Variants in VCL observed in about 807,000 individuals in gnomAD.
The protein encoded by VCL is vinculin, also known as epididymis luminal protein 114.
In VCL, 47 loss-of-function variants were observed where a neutral mutation model predicts 125.7. The ratio of observed to expected loss-of-function variants is 0.37; its 90% CI spans 0.30 to 0.48. VCL has a LOEUF of 0.48. Ranked by LOEUF, VCL falls within the 20% of genes least tolerant of loss-of-function variation. The probability of loss-of-function intolerance (pLI) is 0.99; values close to 1 mark genes in which losing one functional copy is unlikely to be tolerated. For synonymous variants in VCL, 458 were observed against 514.6 expected, an observed-to-expected ratio of 0.89 and a Z score of 1.49; for missense variants, 1,069 against 1,455.5, an observed-to-expected ratio of 0.73 and a Z score of 4.32.
chr10:74,018,177 G>GAGATATATATATATATATAT (rs113828874), intron 1 of VCL, among the ~76,000 whole-genome samples: 17 of 81,876 alleles, frequency 2.1e-4, no homozygotes, highest in African/African-American at 7.0e-4. Context: ...ATATATATAG[G>GAGATATATATATATATATAT]ATATATATAT....
intron 1 of VCL, among the ~76,000 whole-genome samples, chr10:74,010,125 A>G (rs1256358282): frequency 6.6e-6 from 1 of 151,284 alleles, no homozygotes; most frequent in Non-Finnish European, 1.5e-5. Flanking sequence ...GAGTTTTACC[A>G]TGTTGGCCAA....
intron 21 of VCL, 62 bp from the exon 22 acceptor site, chr10:74,117,961 T>A: frequency 6.2e-7 from 1 of 1,611,444 alleles, no homozygotes. Context: ...GGCTGAAACC[T>A]ATTTTAGAGA....
At chr10:74,018,840 AC>A (rs1840608557) in intron 1 of VCL, among the ~76,000 whole-genome samples, 1 of 152,112 alleles carries the variant, frequency 6.6e-6, no homozygotes, top group South Asian at 2.1e-4. Context: ...CACTTAAGAA[AC>A]CCAATGTCTT....
intron 2 of VCL, 34 bp downstream of exon 2, chr10:74,043,187 A>G (rs1841127869): frequency 2.6e-6 from 4 of 1,565,862 alleles, no homozygotes; most frequent in African/African-American, 1.4e-5. Flanking sequence ...GTTGCTAAGC[A>G]GAATAATACT....
rs1403793938 is a variant in VCL at position 74,097,205 on chromosome 10, A to C, written c.1745A>C (p.Asp582Ala). The C allele has an allele frequency of 6.2e-7, 1 of 1,613,696 alleles. No homozygotes were observed. The highest frequency in any genetic ancestry group is 1.3e-5 in the African/African-American group (1 of 74,930). Residue 582 changes from aspartate (D) to alanine (A), a missense_variant and splice_region_variant, in exon 13 of 22, where the codon GAT (aspartate) becomes GCT (alanine). Physicochemically the swap from Asp to Ala is moderately radical, Grantham distance 126. This residue lies in a region of VCL where 760 missense variants were observed against 928.9 expected (regional missense o/e 0.82). Coordinates refer to ENST00000211998, the MANE Select transcript of VCL (RefSeq NM_014000.3). This position sits in a 1 kb window ranked among gnomAD's most constrained non-coding sequence, Gnocchi z 4.1. ...TCATATGTAAACAATGTTTTTAAGG[A>C]TCTAAAAGCTCGGATGCAGGAGGCC... ...LASQLQDSLK[D>A]LKARMQEAMT...
At chr10:74,009,096 A>G (rs1166285091) in intron 1 of VCL, among the ~76,000 whole-genome samples, 2 of 150,738 alleles carry the variant, frequency 1.3e-5, no homozygotes, top group African/African-American at 4.9e-5. Flanking sequence ...GAAAGCTTTC[A>G]TGTGTCTTTC....
At chr10:74,025,111 G>T (rs1283441298) in intron 1 of VCL, among the ~76,000 whole-genome samples, 1 of 152,076 alleles carries the variant, frequency 6.6e-6, no homozygotes, top group African/African-American at 2.4e-5. Flanking sequence ...CTGCCTCCTG[G>T]GTTCAAGCGA....
chr10:74,056,855 G>C (rs1420885562), intron 2 of VCL, among the ~76,000 whole-genome samples: 1 of 152,054 alleles, frequency 6.6e-6, no homozygotes, highest in East Asian at 1.9e-4. Flanking sequence ...TGTGCCAAAT[G>C]CTTCATATTA....
chr10:74,101,091 A>C lies in VCL; in HGVS notation c.2016A>C (p.Thr672=). ...QASVKTAREL[T]PQVVSAARIL... is the part of the protein sequence containing the mutation. ...CAGTGAAGACGGCCCGAGAACTCAC[A>C]CCCCAGGTTGGGTTTTGCTCATTCC... Residue 672 remains threonine, a synonymous_variant, in exon 14 of 22, where the codon ACA becomes ACC. Transcript: ENST00000211998. 1 of 1,613,168 alleles carries C rather than the reference A, an allele frequency of 6.2e-7. No individual in the cohort carries two copies. Among genetic ancestry groups the C allele is most frequent in the Non-Finnish European group, 8.5e-7 (1 of 1,179,464 alleles).
At chr10:74,107,904 G>T (rs1414347571) in intron 17 of VCL, among the ~76,000 whole-genome samples, 4 of 152,142 alleles carry the variant, frequency 2.6e-5, no homozygotes, top group Non-Finnish European at 5.9e-5. Flanking sequence ...GGTGTAGGAA[G>T]AAGCTAGCTA....
At chr10:74,100,439 T>G (rs1206349429) in intron 13 of VCL, among the ~76,000 whole-genome samples, 1 of 152,198 alleles carries the variant, frequency 6.6e-6, no homozygotes, top group Non-Finnish European at 1.5e-5. Context: ...TGGCAGAGTT[T>G]TTACAACATT....
intron 8 of VCL, 26 bp downstream of exon 8, chr10:74,083,539 G>T: frequency 6.2e-7 from 1 of 1,612,484 alleles, no homozygotes. Flanking sequence ...TCCTTACAGA[G>T]CAGTAGTGGG....
Position 74,105,290 on chromosome 10 carries a change from A to C in VCL, c.2371A>C (p.Ser791Arg), listed in dbSNP as rs552164143. ...TGTGAAAGCTGCCTCTGATGAATTG[A>C]GCAAAACCATCTCCCCGATGGTGAT... is the stretch of plus-strand genomic sequence containing the variant. ...EAVKAASDEL[S>R]KTISPMVMDA... The change falls in exon 16 of 22, where the codon AGC (serine) becomes CGC (arginine). Residue 791 changes from serine to arginine, a missense_variant. Transcript: ENST00000211998. 1 of 1,613,608 alleles carries C rather than the reference A, an allele frequency of 6.2e-7. No individual in the cohort carries two copies. The highest frequency in any genetic ancestry group is 1.3e-5 in the African/African-American group (1 of 75,008).
At chr10:74,102,056 A>T (rs1475825924) in intron 14 of VCL, among the ~76,000 whole-genome samples, 1 of 151,564 alleles carries the variant, frequency 6.6e-6, no homozygotes, top group Non-Finnish European at 1.5e-5. Context: ...TAGTAGAGAC[A>T]GGGTTTCTCC....
intron 1 of VCL, among the ~76,000 whole-genome samples, chr10:74,009,328 G>A (rs1432614248): frequency 1.0e-4 from 15 of 150,428 alleles, no homozygotes; most frequent in Non-Finnish European, 1.0e-4. Context: ...GCGCCATCTC[G>A]GCTCACTGCA....
At chr10:74,020,518 C>T (rs1374669470) in intron 1 of VCL, among the ~76,000 whole-genome samples, 1 of 151,974 alleles carries the variant, frequency 6.6e-6, no homozygotes, top group African/African-American at 2.4e-5. Context: ...GTATTCCAAG[C>T]TGGGAGGGAC....
chr10:74,013,975 A>C (rs114337723), intron 1 of VCL, among the ~76,000 whole-genome samples: 5,025 of 152,344 alleles, frequency 0.033, 107 homozygotes, highest in African/African-American at 0.054. Flanking sequence ...AGCTTTCAGT[A>C]GAATTCCATA....
At chr10:74,094,759 AAATAAAAGAGTAAAGAATTGGC>A (rs2131915009) in intron 11 of VCL, among the ~76,000 whole-genome samples, 1 of 152,170 alleles carries the variant, frequency 6.6e-6, no homozygotes, top group East Asian at 1.9e-4. Flanking sequence ...CTCTGTACAA[AAATAAAAGAGTAAAGAATTGGC>A]TGGGCATAGT....
At chr10:74,073,739 A>G (rs899300044) in intron 5 of VCL, among the ~76,000 whole-genome samples, 1 of 152,200 alleles carries the variant, frequency 6.6e-6, no homozygotes. Context: ...AGCAAAAGGG[A>G]GTAGCACTTA....
Sources: gnomAD v4.1 joint callset for allele counts (sites outside exome capture counted in the v4.1 genomes callset) on GRCh38, gnomAD v4.1.1 for gene constraint, gnomAD v4.1.1 regional missense constraint, Gnocchi (gnomAD v3.1) non-coding constraint, MANE v1.5 for transcripts, NCBI Gene and HGNC (gene_info 2026-07-23, HGNC 2026-07-21) for gene names.